The following ZNF28 variants were observed in gnomAD, a reference collection of about 807,000 sequenced individuals.
ZNF28 encodes zinc finger protein KOX24.
ZNF28 carries 5 observed loss-of-function variants against 7.2 expected under a neutral mutation model. The observed-to-expected ratio is 0.70, with a 90% CI of 0.36 to 1.46. The LOEUF (loss-of-function observed/expected upper bound fraction) is 1.46, where lower values mean the gene tolerates loss of function less well. Ranked by LOEUF, ZNF28 falls within the 40% of genes most tolerant of loss-of-function variation. ZNF28 has a pLI of 0.03. For missense variants in ZNF28, 879 were observed against 866.6 expected, an observed-to-expected ratio of 1.01 and a Z score of -0.18; for synonymous variants, 288 against 292.4, an observed-to-expected ratio of 0.99 and a Z score of 0.15.
intron 3 of ZNF28, among the ~76,000 whole-genome samples, chr19:52,802,422 G>C (rs543019418): frequency 6.6e-6 from 1 of 151,754 alleles, no homozygotes; most frequent in Non-Finnish European, 1.5e-5. Context: ...GCTCATGCCT[G>C]TAATCCCAGT....
At chr19:52,809,404 C>T (rs1411953528) in intron 2 of ZNF28, among the ~76,000 whole-genome samples, 1 of 151,786 alleles carries the variant, frequency 6.6e-6, no homozygotes, top group Non-Finnish European at 1.5e-5. Context: ...AAATTCACAA[C>T]TAGCAGGATG....
Position 52,801,566 on chromosome 19 carries a change from G to A in ZNF28, c.279C>T (p.Asp93=). The change falls in exon 4 of 4, where the codon GAC becomes GAT. Residue 93 remains aspartate, a synonymous_variant. Transcript: ENST00000457749. ...TCCACTGAAACTGGAAGCCATGAAT[G>A]TCTTTCTCAATTTTCTGGAAGCAAA... ...GDFCFQKIEK[D]IHGFQFQWKE... 6.2e-7 allele frequency: 1 copy of A among 1,614,148 alleles called. No individual in the cohort carries two copies. Among genetic ancestry groups the A allele is most frequent in the African/African-American group, 1.3e-5 (1 of 75,046 alleles).
rs1433155614 is a variant in ZNF28 at position 52,802,603 on chromosome 19, G to T, written c.143-901C>A. Among the ~76,000 whole-genome samples, 2 of 150,890 alleles carry T rather than the reference G, an allele frequency of 1.3e-5. 1 individual carries two copies. The highest frequency in any genetic ancestry group is 2.9e-5 in the Non-Finnish European group (2 of 67,824). On this transcript the variant is annotated intron_variant, in intron 3 of 3. Coordinates refer to ENST00000457749, the MANE Select transcript of ZNF28 (RefSeq NM_006969.5). Reference sequence around the variant, plus strand: ...GAGTCAGGATAATCGCTTGAACTTGGGAGGCAAAGATTGTGGTGAGTTGAG... The same window carrying T: ...GAGTCAGGATAATCGCTTGAACTTGTGAGGCAAAGATTGTGGTGAGTTGAG...
intron 2 of ZNF28, among the ~76,000 whole-genome samples, chr19:52,810,898 CCTCCCTCTCCCT>C (rs1568655922): frequency 3.2e-4 from 4 of 12,648 alleles, no homozygotes; most frequent in Non-Finnish European, 7.9e-4. Flanking sequence ...TCCCCCTCCC[CCTCCCTCTCCCT>C]CTCCCTCCAC....
rs1461112577 is a variant in ZNF28, at chr19:52,815,236, C to T, written c.15+2708G>A. Among the ~76,000 whole-genome samples the T allele has an allele frequency of 5.5e-5, 8 of 145,166 alleles. 1 individual carries two copies. Among genetic ancestry groups the T allele is most frequent in the Non-Finnish European group, 1.0e-4 (7 of 67,532 alleles). On this transcript the variant is annotated intron_variant, in intron 2 of 3. Coordinates refer to ENST00000457749, the MANE Select transcript of ZNF28 (RefSeq NM_006969.5). ...GGAGCAGAAAAAATAACTATTGGGC[C>T]CGGGCACAGTGGCTCACACCTGTAA...
At position 52,798,612 on chromosome 19, in the gene ZNF28, C is replaced by A; in HGVS notation, c.*1076G>T. 4.6e-6 allele frequency: 2 copies of A among 437,582 alleles called. No individual in the cohort carries two copies. The highest frequency in any genetic ancestry group is 1.6e-5 in the South Asian group (1 of 60,980). The allele number at this position is 437,582 out of a possible 1,614,324, so 27.1% of individuals were successfully genotyped here. A position where few individuals can be genotyped will look rare whatever the true frequency, so the allele number is the denominator to read the frequency against. On this transcript the variant is annotated 3_prime_UTR_variant, in exon 4 of 4. Transcript: ENST00000457749. ...ACAATCATCACACTTGTGAGTTTCT[C>A]TCCTGTATGAATCCTCCTATGTTTT...
intron 3 of ZNF28, chr19:52,805,326 A>C (rs961678164): frequency 1.3e-5 from 2 of 150,658 alleles, no homozygotes; most frequent in African/African-American, 4.9e-5. Flanking sequence ...ACCCACAAGC[A>C]TATATAAAGT....
chr19:52,803,309 G>C (rs1004068748), intron 3 of ZNF28, among the ~76,000 whole-genome samples: 2 of 151,584 alleles, frequency 1.3e-5, no homozygotes, highest in Non-Finnish European at 2.9e-5. Flanking sequence ...TCGAACTCCT[G>C]ACCTCAGATG....
chr19:52,816,071 T>C (rs1370011797), intron 2 of ZNF28, among the ~76,000 whole-genome samples: 1 of 146,898 alleles, frequency 6.8e-6, no homozygotes, highest in Non-Finnish European at 1.5e-5. Context: ...GAACTGACAA[T>C]AGTGGCTCGC....
At chr19:52,818,304 C>T (rs527349098) in intron 1 of ZNF28, among the ~76,000 whole-genome samples, 3 of 152,268 alleles carry the variant, frequency 2.0e-5, no homozygotes, top group East Asian at 1.9e-4. Flanking sequence ...TATGGTGGTG[C>T]GCATCTGTGT....
chr19:52,820,509 TGTTA>T (rs1402659496), intron 1 of ZNF28, among the ~76,000 whole-genome samples: 1 of 152,076 alleles, frequency 6.6e-6, no homozygotes, highest in African/African-American at 2.4e-5. Flanking sequence ...CTGCTCTCCC[TGTTA>T]AATTCTCTCT....
intron 2 of ZNF28, chr19:52,809,839 G>T: frequency 2.1e-5 from 12 of 566,314 alleles, no homozygotes; most frequent in Non-Finnish European, 3.7e-5. Context: ...GGCGGCGGCG[G>T]TGGCGGTGGT....
At chr19:52,810,289 A>T in intron 2 of ZNF28, 1 of 1,489,548 alleles carries the variant, frequency 6.7e-7, no homozygotes, top group Non-Finnish European at 9.4e-7. Flanking sequence ...ATTGAGGAGA[A>T]GATGGAGGCT....
In ZNF28 at chr19:52,810,714, A is replaced by T. The variant is rs879215435; in HGVS notation, c.16-2581T>A. ...CACGGTATTCCCCTTACTAAAAAAA[A>T]TGTGTATTAGGAGAGAGAGGAAAAA... On this transcript the variant is annotated intron_variant, in intron 2 of 3. Transcript: ENST00000457749. 1.8e-5 allele frequency: 14 copies of T among 775,336 alleles called. No homozygotes were observed. In the Admixed American group the frequency reaches 2.4e-4, roughly 13 times the overall value. 48.0% of individuals were successfully genotyped at this position (775,336 alleles called of 1,614,324 possible). A position where few individuals can be genotyped will look rare whatever the true frequency, so the allele number is the denominator to read the frequency against.
chr19:52,817,888 G>A (rs1266510640), intron 2 of ZNF28, 56 bp downstream of exon 2: 12 of 1,607,574 alleles, frequency 7.5e-6, no homozygotes, highest in Non-Finnish European at 1.0e-5. Context: ...CAACTCCAAG[G>A]CCCAGCGTTT....
intron 2 of ZNF28, among the ~76,000 whole-genome samples, chr19:52,811,724 G>A (rs1349703543): frequency 6.7e-6 from 1 of 149,622 alleles, no homozygotes; most frequent in African/African-American, 2.5e-5. Flanking sequence ...AGTGAGGAGC[G>A]TCTCCGCCCG....
intron 1 of ZNF28, among the ~76,000 whole-genome samples, chr19:52,821,350 A>C (rs2869890): frequency 6.5e-4 from 98 of 151,620 alleles, no homozygotes; most frequent in East Asian, 1.5e-3. Flanking sequence ...GAAAACTACG[A>C]GATAGGAAGT....
chr19:52,810,380 T>C, intron 2 of ZNF28: 1 of 1,605,008 alleles, frequency 6.2e-7, no homozygotes, highest in Non-Finnish European at 8.5e-7. Flanking sequence ...ATGGCTGTGG[T>C]TCAGTCAACC....
Position 52,799,444 on chromosome 19 carries a change from T to C in ZNF28, c.*244A>G, listed in dbSNP as rs1439933619. The C allele has an allele frequency of 2.6e-6, 2 of 782,252 alleles. No homozygotes were observed. The highest frequency in any genetic ancestry group is 4.2e-6 in the Non-Finnish European group (2 of 472,738). The allele number at this position is 782,252 out of a possible 1,614,324, so 48.5% of individuals were successfully genotyped here. A position where few individuals can be genotyped will look rare whatever the true frequency, so the allele number is the denominator to read the frequency against. On this transcript the variant is annotated 3_prime_UTR_variant, in exon 4 of 4. Coordinates refer to ENST00000457749, the MANE Select transcript of ZNF28 (RefSeq NM_006969.5). ...TCACATTCTTCCTATTTGTAAAGTT[T>C]CTCTGCAGTATGAATTCTATGATGA...
Sources: allele counts gnomAD v4.1 joint callset (sites outside exome capture counted in the v4.1 genomes callset), GRCh38; gene constraint gnomAD v4.1.1; transcripts MANE v1.5; gene names NCBI Gene and HGNC (gene_info 2026-07-23, HGNC 2026-07-21).